Variants in EPHA4 observed in about 807,000 individuals in gnomAD.
EPHA4 encodes the protein EPH receptor A4, also known as ephrin type-A receptor 4.
EPHA4 carries 19 observed loss-of-function variants against 108.3 expected under a neutral mutation model. That is an observed-to-expected ratio of 0.18 (90% CI 0.12 to 0.26). The LOEUF is 0.26. Ranked by LOEUF, EPHA4 falls within the 10% of genes least tolerant of loss-of-function variation. EPHA4 has a pLI of 1.00. For missense variants in EPHA4, 917 were observed against 1,254.0 expected (o/e 0.73, Z 4.06); for synonymous variants, 449 against 455.5 (o/e 0.99, Z 0.18).
At chr2:221,488,074 GCAGCAA>G (rs1559262834) in intron 4 of EPHA4, among the ~76,000 whole-genome samples, 3 of 152,020 alleles carry the variant, frequency 2.0e-5, no homozygotes, top group Non-Finnish European at 4.4e-5. Flanking sequence ...TCTGCTCCCT[GCAGCAA>G]CTACTCAACT....
intron 8 of EPHA4, among the ~76,000 whole-genome samples, chr2:221,448,108 C>G (rs1322584887): frequency 6.6e-6 from 1 of 152,098 alleles, no homozygotes; most frequent in African/African-American, 2.4e-5. Flanking sequence ...TCCCAAAGTG[C>G]TGGGATTATA....
intron 2 of EPHA4, among the ~76,000 whole-genome samples, chr2:221,566,080 C>T (rs1193829369): frequency 6.6e-6 from 1 of 152,082 alleles, no homozygotes; most frequent in African/African-American, 2.4e-5. Context: ...TGAATATTAC[C>T]AAGAAAGTAG....
At chr2:221,498,913 C>A (rs1692389145) in intron 4 of EPHA4, among the ~76,000 whole-genome samples, 1 of 151,438 alleles carries the variant, frequency 6.6e-6, no homozygotes, top group African/African-American at 2.4e-5. Context: ...GCTTCAGCCT[C>A]CTGAGCAGCT....
chr2:221,513,737 G>A (rs1165320199), intron 3 of EPHA4, among the ~76,000 whole-genome samples: 2 of 152,112 alleles, frequency 1.3e-5, no homozygotes, highest in Non-Finnish European at 2.9e-5. Context: ...ATACGATCAG[G>A]TTAAACATCT....
chr2:221,530,892 C>G (rs1184681445), intron 3 of EPHA4, among the ~76,000 whole-genome samples: 8 of 152,002 alleles, frequency 5.3e-5, no homozygotes, highest in African/African-American at 1.2e-4. Context: ...GAAGCACCAC[C>G]ACCTCCCCCT....
At chr2:221,463,647 T>A (rs1388829793) in intron 5 of EPHA4, among the ~76,000 whole-genome samples, 1 of 152,204 alleles carries the variant, frequency 6.6e-6, no homozygotes, top group African/African-American at 2.4e-5. Flanking sequence ...TTTCTTTGGT[T>A]CAAAGCTCAG....
rs535157263 is a variant in EPHA4, at chr2:221,526,036, T to C, written c.824-24864A>G. Reference sequence around the variant, plus strand: ...ACATTTCAAAAATAATTATAACTAATATTTATTGAAGAATTATGGCTCAGC... The same window carrying C: ...ACATTTCAAAAATAATTATAACTAACATTTATTGAAGAATTATGGCTCAGC... On this transcript the variant is annotated intron_variant, in intron 3 of 17. Coordinates refer to ENST00000281821, the MANE Select transcript of EPHA4 (RefSeq NM_004438.5). Among the ~76,000 whole-genome samples the C allele has an allele frequency of 3.9e-5, 6 of 152,336 alleles. No individual in the cohort carries two copies. The East Asian group carries it at 9.6e-4, about 24-fold the overall frequency.
intron 1 of EPHA4, among the ~76,000 whole-genome samples, chr2:221,570,324 C>G (rs988932564): frequency 6.6e-6 from 1 of 150,394 alleles, no homozygotes; most frequent in African/African-American, 2.4e-5. Flanking sequence ...CTCCCCCCCC[C>G]CCAAAAAAAG....
At chr2:221,466,872 G>A (rs1259708825) in intron 5 of EPHA4, among the ~76,000 whole-genome samples, 1 of 151,348 alleles carries the variant, frequency 6.6e-6, no homozygotes, top group East Asian at 1.9e-4. Context: ...GAAAGCGGCT[G>A]ATCTCTGCCC....
chr2:221,481,781 T>C, intron 5 of EPHA4, among the ~76,000 whole-genome samples: 1 of 152,256 alleles, frequency 6.6e-6, no homozygotes, highest in East Asian at 1.9e-4. Flanking sequence ...TATAATATTT[T>C]ACATTAAAGC....
intron 3 of EPHA4, among the ~76,000 whole-genome samples, chr2:221,518,877 C>T (rs1232543134): frequency 1.3e-5 from 2 of 152,124 alleles, no homozygotes; most frequent in Non-Finnish European, 2.9e-5. Flanking sequence ...TGCTCTCTTG[C>T]TTGGGAGCAC....
rs1483764755 is a variant in EPHA4, at chr2:221,418,117, A to G, written c.*3255T>C. 2 of 152,656 alleles carry G rather than the reference A, an allele frequency of 1.3e-5. No homozygotes were observed. The highest frequency in any genetic ancestry group is 2.9e-5 in the Non-Finnish European group (2 of 68,038). 9.5% of individuals were successfully genotyped at this position (152,656 alleles called of 1,614,324 possible). A position where few individuals can be genotyped will look rare whatever the true frequency, so the allele number is the denominator to read the frequency against. ...TATTTTACAATTTTACAAACTAGGT[A>G]TAAAAGACCATAAATAAATGACATA... is the stretch of plus-strand genomic sequence containing the variant. On this transcript the variant is annotated 3_prime_UTR_variant, in exon 18 of 18. Coordinates refer to ENST00000281821, the MANE Select transcript of EPHA4 (RefSeq NM_004438.5).
At chr2:221,564,856 G>T (rs1694577497) in intron 2 of EPHA4, among the ~76,000 whole-genome samples, 1 of 132,858 alleles carries the variant, frequency 7.5e-6, no homozygotes, top group African/African-American at 3.0e-5. Flanking sequence ...AATTAGTAGT[G>T]CTCCTGTCAG....
chr2:221,490,837 C>A (rs1692119850), intron 4 of EPHA4, among the ~76,000 whole-genome samples: 1 of 152,222 alleles, frequency 6.6e-6, no homozygotes, highest in South Asian at 2.1e-4. Flanking sequence ...TGCTTTCTCC[C>A]AGTCCTATCT....
chr2:221,522,775 T>TA (rs930190145), intron 3 of EPHA4, among the ~76,000 whole-genome samples: 29 of 130,272 alleles, frequency 2.2e-4, no homozygotes, highest in East Asian at 6.3e-4. Flanking sequence ...TTATTATTAT[T>TA]TTTTTGAGAC....
chr2:221,484,888 T>C (rs938708490), intron 4 of EPHA4, among the ~76,000 whole-genome samples: 1 of 152,092 alleles, frequency 6.6e-6, no homozygotes, highest in Non-Finnish European at 1.5e-5. Flanking sequence ...AAAGGAAAAA[T>C]TTCAGCCAGT....
chr2:221,436,391 T>A lies in EPHA4; in HGVS notation c.2346+8A>T. 1 of 1,613,698 alleles carries A rather than the reference T, an allele frequency of 6.2e-7. No homozygotes were observed. On this transcript the variant is annotated splice_region_variant and intron_variant, in intron 13 of 17. Coordinates refer to ENST00000281821, the MANE Select transcript of EPHA4 (RefSeq NM_004438.5). ...AGTGAAAGCCCAGATGTCACCGATC[T>A]TTCTTACCCTGGTGGTGTAAGCTGC...
Position 221,571,238 on chromosome 2 carries a change from C to T in EPHA4, c.91+920G>A, listed in dbSNP as rs1007984254. 4.8e-5 allele frequency among the ~76,000 whole-genome samples: 7 copies of T among 146,142 alleles called. No individual in the cohort carries two copies. The highest frequency in any genetic ancestry group is 3.0e-5 in the Non-Finnish European group (2 of 67,180). Reference sequence around the variant, plus strand: ...AGACATGCACACACACGCAGACATGCACACACACACCACACATACACACAC... The same window carrying T: ...AGACATGCACACACACGCAGACATGTACACACACACCACACATACACACAC... On this transcript the variant is annotated intron_variant, in intron 1 of 17. Transcript: ENST00000281821. The surrounding 1 kb of genome is among the most constrained non-coding windows in gnomAD (Gnocchi z 6.3).
chr2:221,421,988 C>T (rs190453592), intron 17 of EPHA4: 1 of 151,826 alleles, frequency 6.6e-6, no homozygotes, highest in Non-Finnish European at 1.5e-5. Context: ...ACCTGTAATT[C>T]CAGCACTTTG....
Sources: allele counts gnomAD v4.1 joint callset (sites outside exome capture counted in the v4.1 genomes callset), GRCh38; gene constraint gnomAD v4.1.1; non-coding constraint Gnocchi (gnomAD v3.1); transcripts MANE v1.5; gene names NCBI Gene and HGNC (gene_info 2026-07-23, HGNC 2026-07-21).